Variants in ATP5MC1 observed in about 807,000 individuals in gnomAD.
The protein encoded by ATP5MC1 is ATP synthase F(0) complex subunit C1, mitochondrial.
In ATP5MC1, 4 loss-of-function variants were observed where a neutral mutation model predicts 12.1. The observed-to-expected ratio is 0.33, with a 90% CI of 0.16 to 0.76. The LOEUF is 0.76. Ranked by LOEUF, ATP5MC1 falls within the 30% of genes least tolerant of loss-of-function variation. ATP5MC1 has a pLI of 0.61. For synonymous variants in ATP5MC1, 52 were observed against 66.0 expected, an observed-to-expected ratio of 0.79 and a Z score of 1.03; for missense variants, 117 against 172.1, an observed-to-expected ratio of 0.68 and a Z score of 1.79.
At position 48,894,897 on chromosome 17, in the gene ATP5MC1, G is replaced by GGTA. The variant is rs1334511414; in HGVS notation, c.118-258_118-256dup. 15 of 625,338 alleles carry GGTA rather than the reference G, an allele frequency of 2.4e-5. No homozygotes were observed. In the African/African-American group the frequency reaches 2.5e-4, roughly 11 times the overall value. 38.7% of individuals were successfully genotyped at this position (625,338 alleles called of 1,614,324 possible). On this transcript the variant is annotated intron_variant, in intron 3 of 4. Transcript: ENST00000393366. ...GCTTTAATAGTTCTAAGTCCCCCAAGGTAAGCCTTGTAGGTAAGAAACTTA... is the reference window on the plus strand; with the variant it reads ...GCTTTAATAGTTCTAAGTCCCCCAAGGTAGTAAGCCTTGTAGGTAAGAAACTTA...
chr17:48,893,768 C>G (rs2040550112), intron 2 of ATP5MC1: 1 of 467,112 alleles, frequency 2.1e-6, no homozygotes. Flanking sequence ...TTTTAAAATC[C>G]TGATGCCTAG....
chr17:48,895,867 C>A lies in ATP5MC1; in HGVS notation c.*98C>A. ...CTTTACCATTAAACACAACGTTTCT[C>A]TAAACCCCTGTCTGTGCCTCTGTCC... On this transcript the variant is annotated 3_prime_UTR_variant, in exon 5 of 5. Coordinates refer to ENST00000393366, the MANE Select transcript of ATP5MC1 (RefSeq NM_005175.3). 1 of 1,196,692 alleles carries A rather than the reference C, an allele frequency of 8.4e-7. No homozygotes were observed. The highest frequency in any genetic ancestry group is 1.2e-6 in the Non-Finnish European group (1 of 816,666). The allele number at this position is 1,196,692 out of a possible 1,614,324, so 74.1% of individuals were successfully genotyped here. A position where few individuals can be genotyped will look rare whatever the true frequency, so the allele number is the denominator to read the frequency against.
At chr17:48,894,707 G>A in intron 3 of ATP5MC1, 1 of 510,250 alleles carries the variant, frequency 2.0e-6, no homozygotes, top group Non-Finnish European at 3.6e-6. Flanking sequence ...GGTCGAGACT[G>A]CTGTGACTAT....
chr17:48,895,538 G>T, intron 4 of ATP5MC1, 117 bp from the exon 5 acceptor site: 1 of 1,298,310 alleles, frequency 7.7e-7, no homozygotes, highest in Non-Finnish European at 1.1e-6. Flanking sequence ...CCCAGGATCT[G>T]TGCAGGCTAG....
intron 2 of ATP5MC1, chr17:48,894,123 T>A: frequency 2.2e-6 from 1 of 453,742 alleles, no homozygotes; most frequent in Non-Finnish European, 4.0e-6. Context: ...AGAAGCTGAT[T>A]AAAGCTGTGC....
At chr17:48,895,436 A>G (rs1289968644) in intron 4 of ATP5MC1, 102 bp downstream of exon 4, 10 of 1,466,292 alleles carry the variant, frequency 6.8e-6, no homozygotes, top group Admixed American at 2.3e-5. Flanking sequence ...GGTTGATTTC[A>G]TCTACATCAT....
chr17:48,893,500 T>A (rs2040547863), intron 2 of ATP5MC1, 44 bp downstream of exon 2: 2 of 1,605,668 alleles, frequency 1.2e-6, no homozygotes, highest in African/African-American at 2.7e-5. Flanking sequence ...AGGTGTATGG[T>A]GTGGACGCCA....
At chr17:48,894,275 T>C in intron 2 of ATP5MC1, 97 bp from the exon 3 acceptor site, 1 of 1,175,642 alleles carries the variant, frequency 8.5e-7, no homozygotes, top group South Asian at 1.3e-5. Context: ...ATTGAACTTA[T>C]TCTGTTTATG....
chr17:48,893,747 T>G, intron 2 of ATP5MC1: 1 of 493,034 alleles, frequency 2.0e-6, no homozygotes, highest in South Asian at 2.8e-5. Flanking sequence ...GTTAGAATCA[T>G]CCAGGGAACT....
At chr17:48,894,779 AT>A in intron 3 of ATP5MC1, 37 of 520,038 alleles carry the variant, frequency 7.1e-5, no homozygotes, top group East Asian at 2.0e-4. Flanking sequence ...CCATTAATTA[AT>A]TTTTTTTAAA....
intron 3 of ATP5MC1, chr17:48,894,867 T>C: frequency 1.7e-6 from 1 of 578,934 alleles, no homozygotes; most frequent in Non-Finnish European, 3.3e-6. Context: ...TTGGAGAATC[T>C]GTATGCTTTA....
At position 48,895,697 on chromosome 17, in the gene ATP5MC1, T is replaced by G. The variant is rs1598063688; in HGVS notation, c.339T>G (p.Leu113=). 1 of 1,614,052 alleles carries G rather than the reference T, an allele frequency of 6.2e-7. No homozygotes were observed. Among genetic ancestry groups the G allele is most frequent in the Non-Finnish European group, 8.5e-7 (1 of 1,179,972 alleles). ...AGCAGCTCTTCTCCTATGCCATTCT[T>G]GGCTTTGCCCTGTCTGAGGCCATGG... ...LKQQLFSYAI[L]GFALSEAMGL... The change falls in exon 5 of 5, where the codon CTT becomes CTG. Residue 113 remains leucine, a synonymous_variant. Coordinates refer to ENST00000393366, the MANE Select transcript of ATP5MC1 (RefSeq NM_005175.3).
Position 48,893,605 on chromosome 17 carries a change from T to C in ATP5MC1, c.39+149T>C, listed in dbSNP as rs1434837747. ...GGATGTGATGAAGGTAACCCCTGTT[T>C]ATCTGGGCCTGTGAACCAAGCTATC... On this transcript the variant is annotated intron_variant, in intron 2 of 4. Transcript: ENST00000393366. 9.1e-6 allele frequency: 8 copies of C among 879,724 alleles called. No homozygotes were observed. In the East Asian group the frequency reaches 1.6e-4, roughly 17 times the overall value. 54.5% of individuals were successfully genotyped at this position (879,724 alleles called of 1,614,324 possible). A position where few individuals can be genotyped will look rare whatever the true frequency, so the allele number is the denominator to read the frequency against.
rs937095863 is a variant in ATP5MC1, at chr17:48,894,723, T to C, written c.117+274T>C. The C allele has an allele frequency of 2.1e-5, 11 of 516,552 alleles. No homozygotes were observed. The Middle Eastern group carries it at 1.8e-3, about 86-fold the overall frequency. The allele number at this position is 516,552 out of a possible 1,614,324, so 32.0% of individuals were successfully genotyped here. On this transcript the variant is annotated intron_variant, in intron 3 of 4. Coordinates refer to ENST00000393366, the MANE Select transcript of ATP5MC1 (RefSeq NM_005175.3). ...GTCGAGACTGCTGTGACTATGCCAC[T>C]GCACTCCAGACTGGGTGACAGAGCA...
chr17:48,894,960 G>A, intron 3 of ATP5MC1, 196 bp from the exon 4 acceptor site: 1 of 718,638 alleles, frequency 1.4e-6, no homozygotes. Context: ...AATTTCCCTA[G>A]TCCTGTCTGC....
intron 3 of ATP5MC1, 34 bp downstream of exon 3, chr17:48,894,483 C>A: frequency 6.2e-7 from 1 of 1,600,546 alleles, no homozygotes; most frequent in South Asian, 1.1e-5. Flanking sequence ...GGAATGTTCC[C>A]AAGGCCCAGG....
chr17:48,895,612 C>A lies in ATP5MC1; in HGVS notation c.297-43C>A, dbSNP rs200601397. On this transcript the variant is annotated intron_variant, in intron 4 of 4. Coordinates refer to ENST00000393366, the MANE Select transcript of ATP5MC1 (RefSeq NM_005175.3). ...CTCCTGTGTCCTCCCCTCCCCTCAC[C>A]CCTTCCTCTCCCTCAACTGGCAATG... The A allele has an allele frequency of 6.6e-5, 103 of 1,562,692 alleles. No individual in the cohort carries two copies. In the African/African-American group the frequency reaches 1.2e-3, roughly 18 times the overall value.
intron 3 of ATP5MC1, 76 bp downstream of exon 3, chr17:48,894,525 T>C: frequency 6.9e-7 from 1 of 1,448,126 alleles, no homozygotes; most frequent in Admixed American, 1.7e-5. Context: ...CCCAGCTCTT[T>C]GAGAGGCTGA....
Position 48,894,405 on chromosome 17 carries a change from G to A in ATP5MC1, c.73G>A (p.Val25Met). 6.2e-7 allele frequency: 1 copy of A among 1,613,946 alleles called. No individual in the cohort carries two copies. Among genetic ancestry groups the A allele is most frequent in the Non-Finnish European group, 8.5e-7 (1 of 1,179,992 alleles). The change falls in exon 3 of 5, where the codon GTG becomes ATG. Residue 25 changes from valine (V) to methionine (M), a missense_variant. Coordinates refer to ENST00000393366, the MANE Select transcript of ATP5MC1 (RefSeq NM_005175.3). ...RCCTRGLIRP[V>M]SASFLNSPVN... The stretch of plus-strand genomic sequence containing the variant: ...TTGTACCAGGGGTCTAATCAGGCCT[G>A]TGTCTGCCTCCTTCTTGAATAGCCC...
Sources: allele counts gnomAD v4.1 joint callset, GRCh38; gene constraint gnomAD v4.1.1; transcripts MANE v1.5; gene names NCBI Gene and HGNC (gene_info 2026-07-23, HGNC 2026-07-21).